The following ASIC2 variants were observed in gnomAD, a reference collection of about 807,000 sequenced individuals.
The protein encoded by ASIC2 is acid sensing ion channel subunit 2.
ASIC2 carries 25 observed loss-of-function variants against 57.3 expected under a neutral mutation model. The ratio of observed to expected loss-of-function variants is 0.44; its 90% CI spans 0.32 to 0.61. ASIC2 has a LOEUF of 0.61. Ranked by LOEUF, ASIC2 falls within the 20% of genes least tolerant of loss-of-function variation. The pLI is 0.06. For synonymous variants in ASIC2, 319 were observed against 307.5 expected (o/e 1.04, Z -0.39); for missense variants, 641 against 738.1 (o/e 0.87, Z 1.52).
At chr17:33,371,064 C>T (rs967323869) in intron 1 of ASIC2, among the ~76,000 whole-genome samples, 12 of 152,190 alleles carry the variant, frequency 7.9e-5, no homozygotes, top group Admixed American at 2.0e-4. Context: ...TTTGCTATAT[C>T]ACAAGGGTTT....
At chr17:33,653,750 A>G (rs1054537432) in intron 1 of ASIC2, among the ~76,000 whole-genome samples, 4 of 152,226 alleles carry the variant, frequency 2.6e-5, no homozygotes, top group African/African-American at 9.6e-5. Flanking sequence ...GTGATATAGA[A>G]GAAGAAACAT....
At chr17:33,987,771 T>C (rs780556179) in intron 1 of ASIC2, among the ~76,000 whole-genome samples, 4 of 152,210 alleles carry the variant, frequency 2.6e-5, no homozygotes, top group Non-Finnish European at 4.4e-5. Context: ...ATCATTTGTG[T>C]TCACCCATGC....
chr17:33,655,407 A>G lies in ASIC2; in HGVS notation c.555+500571T>C, dbSNP rs1308950944. On this transcript the variant is annotated intron_variant, in intron 1 of 9. Transcript: ENST00000359872. ...TGGGCTATTGCTCTGATTCAGATTCATCCACCTTCCTAGATGTTGAAGAAT... is the reference window on the plus strand; with the variant it reads ...TGGGCTATTGCTCTGATTCAGATTCGTCCACCTTCCTAGATGTTGAAGAAT... Among the ~76,000 whole-genome samples, 3 of 152,330 alleles carry G rather than the reference A, an allele frequency of 2.0e-5. No homozygotes were observed. In the East Asian group the frequency reaches 5.8e-4, roughly 29 times the overall value.
At chr17:33,445,820 G>A (rs1458744062) in intron 1 of ASIC2, among the ~76,000 whole-genome samples, 2 of 146,412 alleles carry the variant, frequency 1.4e-5, no homozygotes, top group Admixed American at 6.9e-5. Context: ...AAAAAAATGG[G>A]GATCAGATGA....
intron 1 of ASIC2, among the ~76,000 whole-genome samples, chr17:33,747,793 C>G (rs1361206273): frequency 6.6e-6 from 1 of 152,198 alleles, no homozygotes; most frequent in African/African-American, 2.4e-5. Context: ...CCCTTCTTCC[C>G]CAGGTCTGCA....
chr17:33,031,046 C>T (rs1157575118), intron 3 of ASIC2, among the ~76,000 whole-genome samples: 2 of 151,976 alleles, frequency 1.3e-5, no homozygotes, highest in East Asian at 3.9e-4. Context: ...CAAGTGTTTC[C>T]TCTTTCTCAA....
At chr17:33,849,172 A>G (rs72816940) in intron 1 of ASIC2, among the ~76,000 whole-genome samples, 24,741 of 152,154 alleles carry the variant, frequency 0.16, 2,491 homozygotes, top group South Asian at 0.24. Flanking sequence ...TCTAGTGCTC[A>G]CTCTAGGTGA....
intron 1 of ASIC2, among the ~76,000 whole-genome samples, chr17:34,011,971 T>C (rs73986806): frequency 0.025 from 3,832 of 152,246 alleles, 155 homozygotes; most frequent in African/African-American, 0.089. Flanking sequence ...GCATTTTCAC[T>C]CATGGTTCCT....
intron 1 of ASIC2, among the ~76,000 whole-genome samples, chr17:33,304,878 C>T (rs923693984): frequency 3.3e-5 from 5 of 152,074 alleles, no homozygotes; most frequent in Admixed American, 2.6e-4. Context: ...TGCCCTTGAC[C>T]CTTGGCTGGA....
intron 1 of ASIC2, among the ~76,000 whole-genome samples, chr17:33,735,322 C>A (rs979488931): frequency 6.6e-6 from 1 of 152,120 alleles, no homozygotes; most frequent in African/African-American, 2.4e-5. Context: ...CTTGGTGAGC[C>A]TTTCTTGAAT....
intron 1 of ASIC2, among the ~76,000 whole-genome samples, chr17:33,322,018 C>T (rs1906891868): frequency 6.6e-6 from 1 of 152,186 alleles, no homozygotes; most frequent in Non-Finnish European, 1.5e-5. Context: ...TGGGAAGGAC[C>T]ACAGTGGATC....
rs577249761 is a variant in ASIC2, at chr17:33,783,805, C to T, written c.555+372173G>A. Reference sequence around the variant, plus strand: ...TTGTAATTTTTGGCAAATCATGTGCCCACTTTAGACCTCAGTTATCCACCT... The same window carrying T: ...TTGTAATTTTTGGCAAATCATGTGCTCACTTTAGACCTCAGTTATCCACCT... On this transcript the variant is annotated intron_variant, in intron 1 of 9. Transcript: ENST00000359872. 1.6e-4 allele frequency among the ~76,000 whole-genome samples: 24 copies of T among 152,338 alleles called. No homozygotes were observed. In the South Asian group the frequency reaches 1.7e-3, roughly 11 times the overall value.
chr17:33,937,303 T>C (rs1916088728), intron 1 of ASIC2, among the ~76,000 whole-genome samples: 10 of 152,198 alleles, frequency 6.6e-5, no homozygotes, highest in Admixed American at 6.5e-4. Flanking sequence ...GGTTTCGCCA[T>C]GTTGGTCAGG....
intron 1 of ASIC2, among the ~76,000 whole-genome samples, chr17:33,442,806 G>A (rs767272253): frequency 5.3e-5 from 8 of 151,936 alleles, no homozygotes; most frequent in African/African-American, 7.3e-5. Flanking sequence ...TAGAACCTCC[G>A]GTATGATGTT....
chr17:33,017,257 C>T (rs933871106), intron 8 of ASIC2, among the ~76,000 whole-genome samples: 2 of 152,162 alleles, frequency 1.3e-5, no homozygotes, highest in African/African-American at 4.8e-5. Context: ...GATGAAGCCA[C>T]CACCTCCAGC....
At chr17:33,830,918 C>T (rs1007604943) in intron 1 of ASIC2, among the ~76,000 whole-genome samples, 1 of 151,784 alleles carries the variant, frequency 6.6e-6, no homozygotes, top group Non-Finnish European at 1.5e-5. Flanking sequence ...TGAGACCAGC[C>T]TGGCCAACAT....
chr17:33,487,121 C>G (rs776926664), intron 1 of ASIC2, among the ~76,000 whole-genome samples: 1 of 152,218 alleles, frequency 6.6e-6, no homozygotes, highest in Non-Finnish European at 1.5e-5. Flanking sequence ...CACTTCCAGA[C>G]AAGCATTCCA....
At chr17:33,848,265 G>A (rs1257729718) in intron 1 of ASIC2, among the ~76,000 whole-genome samples, 1 of 152,100 alleles carries the variant, frequency 6.6e-6, no homozygotes, top group Non-Finnish European at 1.5e-5. Flanking sequence ...TTTCATCCTT[G>A]CCAATAATGA....
At chr17:33,799,352 C>CTCTTTCTTTCTTTCTTTCTTCCTTTCTT (rs1912013095) in intron 1 of ASIC2, among the ~76,000 whole-genome samples, 1 of 136,058 alleles carries the variant, frequency 7.3e-6, no homozygotes, top group African/African-American at 2.9e-5. Flanking sequence ...TCCTCTCTTT[C>CTCTTTCTTTCTTTCTTTCTTCCTTTCTT]TCTTTCTTTC....
Sources: allele counts gnomAD v4.1 joint callset (sites outside exome capture counted in the v4.1 genomes callset), GRCh38; gene constraint gnomAD v4.1.1; transcripts MANE v1.5; gene names NCBI Gene and HGNC (gene_info 2026-07-23, HGNC 2026-07-21).